TTLL6: variants seen among roughly 807,000 people sequenced by gnomAD.
TTLL6 encodes tubulin polyglutamylase TTLL6.
Under a neutral mutation model 96.4 loss-of-function variants are expected in TTLL6, and 75 were observed. The ratio of observed to expected loss-of-function variants is 0.78; its 90% CI spans 0.65 to 0.94. TTLL6 has a LOEUF of 0.94. TTLL6 is among the 40% of genes least tolerant of loss of function. TTLL6 has a pLI of 0.00. For synonymous variants in TTLL6, 411 were observed against 419.4 expected, an observed-to-expected ratio of 0.98 and a Z score of 0.24; for missense variants, 1,030 against 1,093.0, an observed-to-expected ratio of 0.94 and a Z score of 0.81.
At position 48,816,988 on chromosome 17, in the gene TTLL6, C is replaced by T; in HGVS notation, c.85G>A (p.Gly29Arg). 1 of 1,539,010 alleles carries T rather than the reference C, an allele frequency of 6.5e-7. No individual in the cohort carries two copies. Among genetic ancestry groups the T allele is most frequent in the East Asian group, 2.5e-5 (1 of 39,894 alleles). Residue 29 changes from glycine to arginine, a missense_variant, in exon 1 of 16, where the codon GGG (glycine) becomes AGG (arginine). Transcript: ENST00000393382. ...SWTSSPAGRD[G>R]GVGIAGAWYF... ...CTCTTACCCGCAATTCCTACTCCCC[C>T]GTCTCGCCCCGCTGGGCTGCTAGTC...
At chr17:48,795,186 TGTG>T (rs1467586039) in intron 8 of TTLL6, among the ~76,000 whole-genome samples, 2 of 150,730 alleles carry the variant, frequency 1.3e-5, no homozygotes, top group African/African-American at 4.9e-5. Flanking sequence ...CTTAGCGGAG[TGTG>T]GTGGCACATG....
intron 6 of TTLL6, among the ~76,000 whole-genome samples, 154 bp downstream of exon 6, chr17:48,799,450 G>C (rs2039372730): frequency 6.6e-6 from 1 of 152,248 alleles, no homozygotes; most frequent in Non-Finnish European, 1.5e-5. Context: ...CAGCACCCCG[G>C]TCAGAACGTT....
At chr17:48,788,336 C>T (rs892463085) in intron 10 of TTLL6, among the ~76,000 whole-genome samples, 14 of 152,216 alleles carry the variant, frequency 9.2e-5, no homozygotes, top group Non-Finnish European at 2.1e-4. Flanking sequence ...CCTGATTACC[C>T]TTTTCTAGAG....
chr17:48,810,619 C>T (rs1051445997), intron 1 of TTLL6, among the ~76,000 whole-genome samples: 1 of 151,856 alleles, frequency 6.6e-6, no homozygotes, highest in Non-Finnish European at 1.5e-5. Context: ...TCACCTGAGC[C>T]CAGGAGATTG....
intron 3 of TTLL6, among the ~76,000 whole-genome samples, chr17:48,801,954 A>G (rs2039423788): frequency 6.6e-6 from 1 of 151,582 alleles, no homozygotes; most frequent in Admixed American, 6.6e-5. Context: ...GCTGAGGGGG[A>G]GAATAACCTG....
rs1597975641 is a variant in TTLL6 at position 48,784,838 on chromosome 17, A to G, written c.2040+85T>C. On this transcript the variant is annotated intron_variant, in intron 13 of 15. Coordinates refer to ENST00000393382, the MANE Select transcript of TTLL6 (RefSeq NM_001130918.3). Reference sequence around the variant, plus strand: ...CCAGGGAGGCTCAGTGGCTTACTCAAAGGGTCACAGCAAGTTGGGGGTAGA... The same window carrying G: ...CCAGGGAGGCTCAGTGGCTTACTCAGAGGGTCACAGCAAGTTGGGGGTAGA... 5.7e-6 allele frequency: 7 copies of G among 1,225,684 alleles called. No homozygotes were observed. In the East Asian group the frequency reaches 1.7e-4, roughly 29 times the overall value. 75.9% of individuals were successfully genotyped at this position (1,225,684 alleles called of 1,614,324 possible).
In TTLL6 at chr17:48,792,492, G is replaced by T. The variant is rs367911168; in HGVS notation, c.999-889C>A. ...AAAGAATGAAAAAGACAAGAGACACGGCTCATCCAGGCAGTTTCAAAAGCT... is the reference window on the plus strand; with the variant it reads ...AAAGAATGAAAAAGACAAGAGACACTGCTCATCCAGGCAGTTTCAAAAGCT... On this transcript the variant is annotated intron_variant, in intron 8 of 15. Coordinates refer to ENST00000393382, the MANE Select transcript of TTLL6 (RefSeq NM_001130918.3). Among the ~76,000 whole-genome samples the T allele has an allele frequency of 2.6e-5, 4 of 152,096 alleles. No individual in the cohort carries two copies. In the East Asian group the frequency reaches 7.7e-4, roughly 29 times the overall value.
chr17:48,774,852 A>T (rs1330817143), intron 13 of TTLL6, among the ~76,000 whole-genome samples: 3 of 152,220 alleles, frequency 2.0e-5, no homozygotes, highest in African/African-American at 7.2e-5. Context: ...ATGACAAATC[A>T]CCAGGCACCA....
intron 15 of TTLL6, among the ~76,000 whole-genome samples, 169 bp from the exon 16 acceptor site, chr17:48,763,142 T>C (rs2038522394): frequency 6.7e-6 from 1 of 149,060 alleles, no homozygotes; most frequent in Non-Finnish European, 1.5e-5. Context: ...TTCATCTTCC[T>C]GTAGCCTTCT....
intron 1 of TTLL6, among the ~76,000 whole-genome samples, chr17:48,816,482 G>A (rs2039668871): frequency 6.6e-6 from 1 of 152,146 alleles, no homozygotes; most frequent in South Asian, 2.1e-4. Flanking sequence ...ATTTTTTCAG[G>A]AGGGGTGAGA....
chr17:48,764,027 T>C (rs1246103591), intron 15 of TTLL6, among the ~76,000 whole-genome samples: 7 of 150,690 alleles, frequency 4.6e-5, no homozygotes, highest in Non-Finnish European at 8.9e-5. Context: ...CCTCAGCTAC[T>C]CAGGAGGCAG....
chr17:48,769,380 A>C, intron 14 of TTLL6, 126 bp from the exon 15 acceptor site: 1 of 1,182,832 alleles, frequency 8.5e-7, no homozygotes, highest in South Asian at 1.6e-5. Context: ...TTTGAGCCAG[A>C]ATCAGCCATT....
rs532729175 is a variant in TTLL6, at chr17:48,774,697, C to T, written c.2041-4600G>A. Among the ~76,000 whole-genome samples the T allele has an allele frequency of 4.6e-5, 7 of 152,148 alleles. No individual in the cohort carries two copies. The South Asian group carries it at 1.5e-3, about 32-fold the overall frequency. On this transcript the variant is annotated intron_variant, in intron 13 of 15. Coordinates refer to ENST00000393382, the MANE Select transcript of TTLL6 (RefSeq NM_001130918.3). ...TCAAAAACCACAAACTGCCGAAATT[C>T]ATTCAAAATAAAATAAGTTATTTGG...
At chr17:48,802,514 G>T (rs2039443133) in intron 3 of TTLL6, among the ~76,000 whole-genome samples, 1 of 152,206 alleles carries the variant, frequency 6.6e-6, no homozygotes, top group African/African-American at 2.4e-5. Context: ...CCTAGAATGG[G>T]AGAAGTGCCT....
intron 1 of TTLL6, 52 bp downstream of exon 1, chr17:48,816,918 G>A (rs1000640141): frequency 2.2e-6 from 3 of 1,363,508 alleles, no homozygotes; most frequent in Admixed American, 5.0e-5. Flanking sequence ...CAGGGGACAG[G>A]CACCAGGAGG....
chr17:48,797,603 A>AAAGTGAGACCTTTTCTC, intron 6 of TTLL6, among the ~76,000 whole-genome samples: 1 of 152,076 alleles, frequency 6.6e-6, no homozygotes, highest in East Asian at 1.9e-4. Context: ...CCTGGCCAAC[A>AAAGTGAGACCTTTTCTC]TGGCAAAACC....
intron 1 of TTLL6, among the ~76,000 whole-genome samples, chr17:48,805,848 A>G (rs1326924079): frequency 6.6e-6 from 1 of 152,020 alleles, no homozygotes; most frequent in Non-Finnish European, 1.5e-5. Flanking sequence ...AGTGGCTTAC[A>G]CCTGTAATCC....
At chr17:48,810,294 G>A (rs1014656741) in intron 1 of TTLL6, among the ~76,000 whole-genome samples, 3 of 152,028 alleles carry the variant, frequency 2.0e-5, no homozygotes, top group Non-Finnish European at 2.9e-5. Context: ...GCATTTCCTC[G>A]TATTCTAGGC....
In TTLL6 at chr17:48,803,878, T is replaced by C; in HGVS notation, c.361+13A>G. Reference sequence around the variant, plus strand: ...GGGTCCCCATTATAGATCTCCTGAATGTAGATGCTCACCACTCTCATACCG... The same window carrying C: ...GGGTCCCCATTATAGATCTCCTGAACGTAGATGCTCACCACTCTCATACCG... On this transcript the variant is annotated intron_variant, in intron 3 of 15. Transcript: ENST00000393382. The C allele has an allele frequency of 1.3e-6, 2 of 1,551,964 alleles. No individual in the cohort carries two copies. Among genetic ancestry groups the C allele is most frequent in the Non-Finnish European group, 1.7e-6 (2 of 1,147,022 alleles).
Sources: gnomAD v4.1 joint callset for allele counts (sites outside exome capture counted in the v4.1 genomes callset) on GRCh38, gnomAD v4.1.1 for gene constraint, MANE v1.5 for transcripts, NCBI Gene and HGNC (gene_info 2026-07-23, HGNC 2026-07-21) for gene names.